The following FST variants were observed in gnomAD, a reference collection of about 807,000 sequenced individuals.
FST encodes the protein activin-binding protein.
In FST, 6 loss-of-function variants were observed where a neutral mutation model predicts 38.4. The ratio of observed to expected loss-of-function variants is 0.16; its 90% CI spans 0.09 to 0.31. The LOEUF is 0.31. Ranked by LOEUF, FST falls within the 10% of genes least tolerant of loss-of-function variation. The probability of loss-of-function intolerance (pLI) is 1.00; values close to 1 mark genes in which losing one functional copy is unlikely to be tolerated. For synonymous variants in FST, 157 were observed against 169.8 expected, an observed-to-expected ratio of 0.92 and a Z score of 0.59; for missense variants, 301 against 432.3, an observed-to-expected ratio of 0.70 and a Z score of 2.69.
chr5:53,485,742 A>G (rs1176955025), intron 5 of FST: 6 of 1,605,452 alleles, frequency 3.7e-6, no homozygotes, highest in Non-Finnish European at 1.7e-6. Flanking sequence ...GCAGTTTTTG[A>G]CTTCATAGAT....
At position 53,486,912 on chromosome 5, in the gene FST, A is replaced by T. The variant is rs2112352397; in HGVS notation, c.*879A>T. Reference sequence around the variant, plus strand: ...GTTCTTTTTCAACCAGTATATCACTAAAAGTTATATCAAAGCTTTATCAGT... The same window carrying T: ...GTTCTTTTTCAACCAGTATATCACTTAAAGTTATATCAAAGCTTTATCAGT... On this transcript the variant is annotated 3_prime_UTR_variant, in exon 6 of 6. Transcript: ENST00000256759. 1 of 152,342 alleles carries T rather than the reference A, an allele frequency of 6.6e-6. No individual in the cohort carries two copies. The highest frequency in any genetic ancestry group is 6.5e-5 in the Admixed American group (1 of 15,302). The allele number at this position is 152,342 out of a possible 1,614,324, so 9.4% of individuals were successfully genotyped here. A position where few individuals can be genotyped will look rare whatever the true frequency, so the allele number is the denominator to read the frequency against.
In FST at chr5:53,484,172, T is replaced by C; in HGVS notation, c.600T>C (p.Ala200=). The C allele has an allele frequency of 6.2e-7, 1 of 1,612,178 alleles. No individual in the cohort carries two copies. The highest frequency in any genetic ancestry group is 8.5e-7 in the Non-Finnish European group (1 of 1,178,184). ...GTAATCGGATTTGCCCAGAGCCTGC[T>C]TCCTCTGAGCAATATCTCTGTGGGA... The part of the protein sequence containing the change: ...VTCNRICPEP[A]SSEQYLCGND... Residue 200 remains alanine, a synonymous_variant, in exon 4 of 6, where the codon GCT becomes GCC. Coordinates refer to ENST00000256759, the MANE Select transcript of FST (RefSeq NM_013409.3).
At chr5:53,481,820 T>G (rs1028031211) in intron 1 of FST, among the ~76,000 whole-genome samples, 1 of 152,230 alleles carries the variant, frequency 6.6e-6, no homozygotes, top group Non-Finnish European at 1.5e-5. Context: ...AAATATTTCT[T>G]GCTAGGTATG....
Position 53,486,176 on chromosome 5 carries a change from AG to A in FST, c.*145del. ...ATTTGGGGGGAAAACTATACATTAAAGGACCTTTGTCCTAAAGCTCTCTCCC... is the reference window on the plus strand; with the variant it reads ...ATTTGGGGGGAAAACTATACATTAAAGACCTTTGTCCTAAAGCTCTCTCCC... On this transcript the variant is annotated 3_prime_UTR_variant, in exon 6 of 6. Transcript: ENST00000256759. The A allele has an allele frequency of 1.9e-6, 1 of 523,776 alleles. No homozygotes were observed. Among genetic ancestry groups the A allele is most frequent in the South Asian group, 3.4e-5 (1 of 29,230 alleles). The allele number at this position is 523,776 out of a possible 1,614,324, so 32.4% of individuals were successfully genotyped here.
chr5:53,481,480 A>AAAAAAAAAAAAAAAAAC (rs1182795888), intron 1 of FST, among the ~76,000 whole-genome samples: 1 of 150,220 alleles, frequency 6.7e-6, no homozygotes, highest in Admixed American at 6.6e-5. Context: ...AAAAAAAAAA[A>AAAAAAAAAAAAAAAAAC]AAAAAAGCCA....
chr5:53,483,483 A>AAAC lies in FST; in HGVS notation c.278-21_278-20insAAC. 1 of 1,592,524 alleles carries AAAC rather than the reference A, an allele frequency of 6.3e-7. No individual in the cohort carries two copies. Among genetic ancestry groups the AAAC allele is most frequent in the Non-Finnish European group, 8.6e-7 (1 of 1,160,874 alleles). Reference sequence around the variant, plus strand: ...GACTGCCTGGCTCTGGTTTTAATCCATGCCTGTTTCTAACTCACAGAAACG... The same window carrying AAAC: ...GACTGCCTGGCTCTGGTTTTAATCCAAACTGCCTGTTTCTAACTCACAGAAACG... On this transcript the variant is annotated intron_variant, in intron 2 of 5. Transcript: ENST00000256759. The surrounding 1 kb of genome is among the most constrained non-coding windows in gnomAD (Gnocchi z 4.1).
chr5:53,484,161 C>T lies in FST; in HGVS notation c.589C>T (p.Pro197Ser). ...CTGTGTGACCTGTAATCGGATTTGCCCAGAGCCTGCTTCCTCTGAGCAATA... is the reference window on the plus strand; with the variant it reads ...CTGTGTGACCTGTAATCGGATTTGCTCAGAGCCTGCTTCCTCTGAGCAATA... ...AYCVTCNRIC[P>S]EPASSEQYLC... is the part of the protein sequence containing the mutation. Residue 197 changes from proline to serine, a missense_variant, in exon 4 of 6, where the codon CCA becomes TCA. Coordinates refer to ENST00000256759, the MANE Select transcript of FST (RefSeq NM_013409.3). 4 of 1,610,838 alleles carry T rather than the reference C, an allele frequency of 2.5e-6. No homozygotes were observed. Among genetic ancestry groups the T allele is most frequent in the Non-Finnish European group, 3.4e-6 (4 of 1,177,048 alleles).
Position 53,486,238 on chromosome 5 carries a change from T to C in FST, c.*205T>C. ...GTTACTCATTGGACACGGAGAGGCA[T>C]TCATTGTGAGGTCTACTGGATGAGG... On this transcript the variant is annotated 3_prime_UTR_variant, in exon 6 of 6. Coordinates refer to ENST00000256759, the MANE Select transcript of FST (RefSeq NM_013409.3). 2.3e-6 allele frequency: 1 copy of C among 425,844 alleles called. No individual in the cohort carries two copies. Among genetic ancestry groups the C allele is most frequent in the Non-Finnish European group, 4.1e-6 (1 of 246,362 alleles). The allele number at this position is 425,844 out of a possible 1,614,324, so 26.4% of individuals were successfully genotyped here.
rs1127761 is a variant in FST at position 53,484,289 on chromosome 5, T to C, written c.717T>C (p.Cys239=). 3.7e-6 allele frequency: 6 copies of C among 1,612,684 alleles called. No homozygotes were observed. In the African/African-American group the frequency reaches 8.0e-5, roughly 22 times the overall value. ...TTGGATTAGCCTATGAGGGAAAGTG[T>C]ATCAGTAGGTATTCTGGATTGAGGA... The part of the protein sequence containing the change: ...RSIGLAYEGK[C]IKAKSCEDIQ... Residue 239 remains cysteine, a synonymous_variant, in exon 4 of 6, where the codon TGT becomes TGC. Transcript: ENST00000256759.
rs1319175598 is a variant in FST at position 53,484,206 on chromosome 5, G to C, written c.634G>C (p.Val212Leu). 2.5e-6 allele frequency: 4 copies of C among 1,613,344 alleles called. No homozygotes were observed. Among genetic ancestry groups the C allele is most frequent in the Non-Finnish European group, 3.4e-6 (4 of 1,179,332 alleles). ...SEQYLCGNDG[V>L]TYSSACHLRK... The stretch of plus-strand genomic sequence containing the variant: ...GCAATATCTCTGTGGGAATGATGGA[G>C]TCACCTACTCCAGTGCCTGCCACCT... The change falls in exon 4 of 6, where the codon GTC becomes CTC. Residue 212 changes from valine (V) to leucine (L), a missense_variant. Physicochemically the swap from Val to Leu is conservative, Grantham distance 32 (BLOSUM62 1). Transcript: ENST00000256759.
chr5:53,484,039 TA>T (rs772618758), intron 3 of FST, 29 bp from the exon 4 acceptor site: 7 of 1,592,484 alleles, frequency 4.4e-6, no homozygotes, highest in Non-Finnish European at 5.2e-6. Context: ...AGAAGGTACC[TA>T]TTCATGTGTG....
chr5:53,484,793 G>A (rs771515836), intron 4 of FST, among the ~76,000 whole-genome samples: 8 of 152,168 alleles, frequency 5.3e-5, no homozygotes, highest in Non-Finnish European at 1.2e-4. Flanking sequence ...TTGTGCGTGT[G>A]TATGTGTGTG....
intron 1 of FST, among the ~76,000 whole-genome samples, chr5:53,481,407 G>C (rs1184963205): frequency 2.3e-5 from 3 of 131,902 alleles, no homozygotes; most frequent in African/African-American, 8.9e-5. Context: ...AGATTTTCAA[G>C]GGAAGTAGCT....
At chr5:53,480,923 G>A (rs1166095916) in intron 1 of FST, 47 bp downstream of exon 1, 3 of 1,113,944 alleles carry the variant, frequency 2.7e-6, no homozygotes, top group Admixed American at 2.1e-5. Flanking sequence ...AGGACAGGGG[G>A]GTCGACTTTT....
Position 53,486,046 on chromosome 5 carries a change from T to C in FST, c.*13T>C. The C allele has an allele frequency of 8.9e-7, 1 of 1,117,322 alleles. No homozygotes were observed. The highest frequency in any genetic ancestry group is 1.5e-5 in the South Asian group (1 of 64,730). The allele number at this position is 1,117,322 out of a possible 1,614,324, so 69.2% of individuals were successfully genotyped here. Reference sequence around the variant, plus strand: ...TCTAGAGTGGTAAACTCTCTATAAGTGTTCAGTGTTGACATAGCCTTTGTG... The same window carrying C: ...TCTAGAGTGGTAAACTCTCTATAAGCGTTCAGTGTTGACATAGCCTTTGTG... On this transcript the variant is annotated 3_prime_UTR_variant, in exon 6 of 6. Transcript: ENST00000256759.
intron 1 of FST, 117 bp downstream of exon 1, chr5:53,480,993 T>C (rs549334170): frequency 3.3e-4 from 133 of 405,268 alleles, no homozygotes; most frequent in South Asian, 1.4e-4. Context: ...TTGAACCAAC[T>C]TGGGGACTCC....
At position 53,483,017 on chromosome 5, in the gene FST, C is replaced by T; in HGVS notation, c.223C>T (p.Leu75Phe). ...CGAGGAGGACGTGAATGACAACACA[C>T]TCTTCAAGTGGATGATTTTCAACGG... is the stretch of plus-strand genomic sequence containing the variant. ...WTEEDVNDNT[L>F]FKWMIFNGGA... The change falls in exon 2 of 6, where the codon CTC becomes TTC. Residue 75 changes from leucine to phenylalanine, a missense_variant. Leu to Phe is a conservative substitution (Grantham distance 22). Coordinates refer to ENST00000256759, the MANE Select transcript of FST (RefSeq NM_013409.3). This position sits in a 1 kb window ranked among gnomAD's most constrained non-coding sequence, Gnocchi z 4.1. 4 of 1,614,024 alleles carry T rather than the reference C, an allele frequency of 2.5e-6. No individual in the cohort carries two copies. The highest frequency in any genetic ancestry group is 3.4e-6 in the Non-Finnish European group (4 of 1,179,854).
At chr5:53,485,589 A>G in intron 5 of FST, 1 of 792,820 alleles carries the variant, frequency 1.3e-6, no homozygotes, top group Non-Finnish European at 2.2e-6. Flanking sequence ...ATTATCACAC[A>G]TGGGCTGCTG....
chr5:53,485,367 C>A, intron 5 of FST, 140 bp downstream of exon 5: 7 of 627,452 alleles, frequency 1.1e-5, no homozygotes. Context: ...ACCAGCAATT[C>A]AATAATCCAC....
Sources: allele counts gnomAD v4.1 joint callset (sites outside exome capture counted in the v4.1 genomes callset), GRCh38; gene constraint gnomAD v4.1.1; non-coding constraint Gnocchi (gnomAD v3.1); transcripts MANE v1.5; gene names NCBI Gene and HGNC (gene_info 2026-07-23, HGNC 2026-07-21).